MYH10: variants seen among roughly 807,000 people sequenced by gnomAD.
The protein encoded by MYH10 is myosin heavy chain 10.
Under a neutral mutation model 257.8 loss-of-function variants are expected in MYH10, and 55 were observed. That is an observed-to-expected ratio of 0.21 (90% CI 0.17 to 0.27). The LOEUF is 0.27. Ranked by LOEUF, MYH10 falls within the 10% of genes least tolerant of loss-of-function variation. The pLI, the probability that MYH10 is intolerant of heterozygous loss-of-function variation, is 1.00. For missense variants in MYH10, 1,631 were observed against 2,500.6 expected, an observed-to-expected ratio of 0.65 and a Z score of 7.42; for synonymous variants, 854 against 921.7, an observed-to-expected ratio of 0.93 and a Z score of 1.33.
Position 8,492,479 on chromosome 17 carries a change from G to A in MYH10, c.4489C>T (p.Arg1497Cys), listed in dbSNP as rs769266230. 16 of 1,611,964 alleles carry A rather than the reference G, an allele frequency of 9.9e-6. No homozygotes were observed. The highest frequency in any genetic ancestry group is 9.9e-5 in the South Asian group (9 of 91,062). Residue 1497 changes from arginine to cysteine, a missense_variant, in exon 34 of 43, where the codon CGC (arginine) becomes TGC (cysteine). By Grantham distance (180) the Arg-to-Cys change is radical. This residue lies in a region of MYH10 where 463 missense variants were observed against 621.8 expected (regional missense o/e 0.74). Transcript: ENST00000360416. ...LLAEEKSISA[R>C]YAEERDRAEA... ...GCCCGGTCCCGCTCTTCGGCATAGC[G>A]AGCAGAGATGCTCTTCTCTTCTGCT...
At chr17:8,586,065 C>T (rs534956701) in intron 4 of MYH10, among the ~76,000 whole-genome samples, 2 of 152,328 alleles carry the variant, frequency 1.3e-5, no homozygotes, top group South Asian at 4.1e-4. Flanking sequence ...GCAGCTGCCA[C>T]TGACCCCTCC....
At chr17:8,491,641 CT>C (rs895707529) in intron 34 of MYH10, among the ~76,000 whole-genome samples, 1 of 152,186 alleles carries the variant, frequency 6.6e-6, no homozygotes, top group African/African-American at 2.4e-5. Flanking sequence ...GCTTAAGTGG[CT>C]TCCCATGGTC....
chr17:8,489,708 A>ACATACACACACACACAC (rs1555570829), intron 35 of MYH10, among the ~76,000 whole-genome samples: 1 of 93,084 alleles, frequency 1.1e-5, no homozygotes, highest in African/African-American at 3.7e-5. Flanking sequence ...CGTCTGAAAA[A>ACATACACACACACACAC]ACACACACAC....
intron 17 of MYH10, among the ~76,000 whole-genome samples, chr17:8,528,701 A>G (rs1410934822): frequency 6.6e-6 from 1 of 152,218 alleles, no homozygotes; most frequent in Non-Finnish European, 1.5e-5. Flanking sequence ...GGATCCCTAG[A>G]AACTCCTTCA....
At chr17:8,561,443 A>C in intron 7 of MYH10, 1 of 1,152,044 alleles carries the variant, frequency 8.7e-7, no homozygotes, top group South Asian at 1.2e-5. Flanking sequence ...GTGAAGCTAC[A>C]TTACCGTGTG....
chr17:8,518,998 T>C (rs200857941), intron 19 of MYH10, 48 bp from the exon 20 acceptor site: 23 of 1,423,048 alleles, frequency 1.6e-5, no homozygotes, highest in African/African-American at 5.7e-5. Flanking sequence ...TTGTGAACGA[T>C]GTGTATCTAC....
intron 6 of MYH10, among the ~76,000 whole-genome samples, chr17:8,574,895 G>A (rs1044183911): frequency 3.3e-5 from 5 of 152,198 alleles, no homozygotes; most frequent in African/African-American, 7.2e-5. Context: ...ACCCTTCCAC[G>A]GTGTGACCAT....
chr17:8,627,260 G>A (rs776710044), intron 1 of MYH10, among the ~76,000 whole-genome samples: 25 of 152,006 alleles, frequency 1.6e-4, no homozygotes, highest in Non-Finnish European at 3.5e-4. Flanking sequence ...TCTGTTCCAC[G>A]CTGTATCTTG....
chr17:8,534,650 G>T (rs2082091783), intron 16 of MYH10, among the ~76,000 whole-genome samples: 1 of 152,242 alleles, frequency 6.6e-6, no homozygotes, highest in Non-Finnish European at 1.5e-5. Context: ...TTACTGAACA[G>T]GTCTGGCCTC....
Position 8,573,753 on chromosome 17 carries a change from T to C in MYH10, c.663+2890A>G, listed in dbSNP as rs989695463. The C allele has an allele frequency of 4.2e-6, 3 of 718,820 alleles. No homozygotes were observed. The African/African-American group carries it at 5.8e-5, about 14-fold the overall frequency. 44.5% of individuals were successfully genotyped at this position (718,820 alleles called of 1,614,324 possible). On this transcript the variant is annotated intron_variant, in intron 6 of 42. Transcript: ENST00000360416. ...CCAAAAGTTCATAGATAAATGTTTA[T>C]TTCAAGTTAAGTATTGTCACTTTAA...
chr17:8,561,256 T>A, intron 7 of MYH10: 1 of 947,048 alleles, frequency 1.1e-6, no homozygotes. Flanking sequence ...GGAACAAAGG[T>A]CGTGCTGAAA....
chr17:8,564,241 C>T (rs145545949), intron 7 of MYH10, among the ~76,000 whole-genome samples: 10 of 152,222 alleles, frequency 6.6e-5, no homozygotes, highest in East Asian at 3.9e-4. Flanking sequence ...GGAAATTAGT[C>T]GTCTATATCA....
At chr17:8,600,909 A>G (rs2084566390) in intron 3 of MYH10, among the ~76,000 whole-genome samples, 1 of 152,188 alleles carries the variant, frequency 6.6e-6, no homozygotes, top group South Asian at 2.1e-4. Context: ...GGAAAAGAAA[A>G]TATTCACTGA....
At chr17:8,560,444 C>T (rs2082950862) in intron 7 of MYH10, 2 of 397,358 alleles carry the variant, frequency 5.0e-6, no homozygotes, top group Non-Finnish European at 9.7e-6. Flanking sequence ...TCATCGCTGC[C>T]ACCTGAAGCC....
At chr17:8,519,533 A>G (rs2081580421) in intron 19 of MYH10, among the ~76,000 whole-genome samples, 1 of 151,926 alleles carries the variant, frequency 6.6e-6, no homozygotes, top group South Asian at 2.1e-4. Context: ...GCTATATATT[A>G]AAGGAGGAAT....
Position 8,536,000 on chromosome 17 carries a change from T to A in MYH10, c.1606-69A>T. 1 of 1,394,768 alleles carries A rather than the reference T, an allele frequency of 7.2e-7. No individual in the cohort carries two copies. Among genetic ancestry groups the A allele is most frequent in the African/African-American group, 1.5e-5 (1 of 68,852 alleles). The allele number at this position is 1,394,768 out of a possible 1,614,324, so 86.4% of individuals were successfully genotyped here. On this transcript the variant is annotated intron_variant, in intron 14 of 42. Coordinates refer to ENST00000360416, the MANE Select transcript of MYH10 (RefSeq NM_001256012.3). The surrounding 1 kb of genome is among the most constrained non-coding windows in gnomAD (Gnocchi z 4.3). ...CTTTAATACTACTGAGTCTGGCACT[T>A]AAACTTCTAAAACAATTAGTTTTAT...
Position 8,598,252 on chromosome 17 carries a change from G to A in MYH10, c.502+6574C>T, listed in dbSNP as rs138658135. Among the ~76,000 whole-genome samples, 327 of 152,276 alleles carry A rather than the reference G, an allele frequency of 2.1e-3. 2 individuals carry two copies. Among genetic ancestry groups the A allele is most frequent in the Middle Eastern group, 6.8e-3 (2 of 294 alleles). ...TACTTCTCCCATGGACAATGTTCTG[G>A]TTAAGTTTTCCACCTTATTTTGAGT... is the stretch of plus-strand genomic sequence containing the variant. On this transcript the variant is annotated intron_variant, in intron 3 of 42. Coordinates refer to ENST00000360416, the MANE Select transcript of MYH10 (RefSeq NM_001256012.3).
chr17:8,605,696 G>C lies in MYH10; in HGVS notation c.346-714C>G, dbSNP rs553641650. 5.9e-5 allele frequency among the ~76,000 whole-genome samples: 9 copies of C among 152,284 alleles called. No homozygotes were observed. The East Asian group carries it at 9.6e-4, about 16-fold the overall frequency. On this transcript the variant is annotated intron_variant, in intron 2 of 42. Coordinates refer to ENST00000360416, the MANE Select transcript of MYH10 (RefSeq NM_001256012.3). ...GGGGGCAGAGGCTGCAGTAAGCCTAGATCGCATCACTGTACTCCAGCCTGG... is the reference window on the plus strand; with the variant it reads ...GGGGGCAGAGGCTGCAGTAAGCCTACATCGCATCACTGTACTCCAGCCTGG...
chr17:8,486,006 C>T (rs375407697), intron 36 of MYH10, among the ~76,000 whole-genome samples: 33 of 152,282 alleles, frequency 2.2e-4, no homozygotes, highest in Middle Eastern at 3.4e-3. Context: ...AAAAGGAGTG[C>T]GGTACTTGTT....
Sources: allele counts gnomAD v4.1 joint callset (sites outside exome capture counted in the v4.1 genomes callset), GRCh38; gene constraint gnomAD v4.1.1; regional missense constraint gnomAD v4.1.1; non-coding constraint Gnocchi (gnomAD v3.1); transcripts MANE v1.5; gene names NCBI Gene and HGNC (gene_info 2026-07-23, HGNC 2026-07-21).